ABCC1: variants seen among roughly 807,000 people sequenced by gnomAD.
ABCC1 encodes multidrug resistance-associated protein 1.
ABCC1 carries 83 observed loss-of-function variants against 172.9 expected under a neutral mutation model. That is an observed-to-expected ratio of 0.48 (90% CI 0.40 to 0.58). ABCC1 has a LOEUF of 0.58. Among genes scored for constraint, ABCC1 ranks in the 20% least tolerant of loss-of-function variants. The pLI, the probability that ABCC1 is intolerant of heterozygous loss-of-function variation, is 0.00. For missense variants in ABCC1, 1,817 were observed against 2,002.7 expected, an observed-to-expected ratio of 0.91 and a Z score of 1.77; for synonymous variants, 937 against 825.2, an observed-to-expected ratio of 1.14 and a Z score of -2.32.
At chr16:15,996,841 T>C (rs1379261095) in intron 1 of ABCC1, among the ~76,000 whole-genome samples, 2 of 152,054 alleles carry the variant, frequency 1.3e-5, no homozygotes, top group African/African-American at 4.8e-5. Context: ...ACCAGGATCT[T>C]GTATGGGAAG....
chr16:16,102,504 C>G (rs1567405319), intron 19 of ABCC1, 123 bp from the exon 20 acceptor site: 2 of 823,560 alleles, frequency 2.4e-6, no homozygotes. Flanking sequence ...CTCCTACTTT[C>G]TGATCATCCT....
At chr16:16,125,399 A>G (rs768222981) in intron 25 of ABCC1, among the ~76,000 whole-genome samples, 1 of 152,072 alleles carries the variant, frequency 6.6e-6, no homozygotes, top group Non-Finnish European at 1.5e-5. Context: ...TCTTACCTGA[A>G]TGTTTCATAA....
chr16:16,003,073 T>C (rs1319194643), intron 1 of ABCC1, among the ~76,000 whole-genome samples: 1 of 152,194 alleles, frequency 6.6e-6, no homozygotes, highest in Non-Finnish European at 1.5e-5. Flanking sequence ...GGTGGATGCA[T>C]GGATGGATAG....
intron 22 of ABCC1, among the ~76,000 whole-genome samples, chr16:16,113,905 G>A (rs564555645): frequency 2.0e-5 from 3 of 152,204 alleles, no homozygotes; most frequent in Middle Eastern, 3.4e-3. Flanking sequence ...TTGCATGCAC[G>A]GTTCACAATA....
intron 1 of ABCC1, among the ~76,000 whole-genome samples, chr16:15,959,500 A>AT (rs1206229741): frequency 1.3e-5 from 2 of 151,990 alleles, no homozygotes; most frequent in East Asian, 1.9e-4. Flanking sequence ...TAATTTTTGT[A>AT]TTTTTTGTAG....
intron 1 of ABCC1, among the ~76,000 whole-genome samples, chr16:15,992,546 CA>C (rs11327128): frequency 0.11 from 16,607 of 152,096 alleles, 986 homozygotes; most frequent in Middle Eastern, 0.15. Context: ...ATTATAGGCA[CA>C]ATGGCACCGT....
At position 16,078,030 on chromosome 16, in the gene ABCC1, C is replaced by T. The variant is rs60469728; in HGVS notation, c.1989-1322C>T. ...AAAATTAGCTGGATGTGGTGGCGCTCGCCTGTAATCCCAGCTACTTGGGAG... is the reference window on the plus strand; with the variant it reads ...AAAATTAGCTGGATGTGGTGGCGCTTGCCTGTAATCCCAGCTACTTGGGAG... On this transcript the variant is annotated intron_variant, in intron 15 of 30. Coordinates refer to ENST00000399410, the MANE Select transcript of ABCC1 (RefSeq NM_004996.4). Among the ~76,000 whole-genome samples the T allele has an allele frequency of 7.7e-3, 1,177 of 151,910 alleles. 15 individuals carry two copies. Among genetic ancestry groups the T allele is most frequent in the African/African-American group, 0.027 (1,101 of 41,424 alleles).
intron 1 of ABCC1, among the ~76,000 whole-genome samples, chr16:15,953,164 C>T (rs532036870): frequency 1.3e-5 from 2 of 151,936 alleles, no homozygotes; most frequent in Admixed American, 6.6e-5. Context: ...GGCAAAACCC[C>T]ATCCCTACTA....
At chr16:16,083,038 C>T (rs1341843511) in intron 16 of ABCC1, among the ~76,000 whole-genome samples, 1 of 152,160 alleles carries the variant, frequency 6.6e-6, no homozygotes, top group Admixed American at 6.5e-5. Flanking sequence ...TGAGGGACTT[C>T]CACTCTTTGG....
rs1491397616 is a variant in ABCC1 at position 16,026,464 on chromosome 16, C to CTTTTTTTTTTT, written c.616-6645_616-6644insTTTTTTTTTTT. On this transcript the variant is annotated intron_variant, in intron 5 of 30. Coordinates refer to ENST00000399410, the MANE Select transcript of ABCC1 (RefSeq NM_004996.4). ...AAAAAAAAAAAAAAAAAGGCTATTT[C>CTTTTTTTTTTT]CTTTTTTTTTTTTTTTTTTTTTTTG... 1.3e-3 allele frequency among the ~76,000 whole-genome samples: 135 copies of CTTTTTTTTTTT among 102,272 alleles called. 11 individuals carry two copies. The highest frequency in any genetic ancestry group is 1.8e-3 in the Non-Finnish European group (96 of 52,782). The allele number at this position is 102,272 out of a possible 152,430, so 67.1% of individuals were successfully genotyped here.
intron 1 of ABCC1, among the ~76,000 whole-genome samples, chr16:15,980,648 G>T (rs532266178): frequency 4.6e-5 from 7 of 152,244 alleles, no homozygotes; most frequent in Admixed American, 2.0e-4. Flanking sequence ...AACACATGGG[G>T]ATTATGAGAA....
At chr16:16,126,716 C>A (rs1233566886) in intron 26 of ABCC1, among the ~76,000 whole-genome samples, 2 of 152,100 alleles carry the variant, frequency 1.3e-5, no homozygotes, top group African/African-American at 2.4e-5. Context: ...ACTCCTGTTA[C>A]GGAAAATAAT....
At chr16:16,079,596 C>A in intron 16 of ABCC1, 118 bp downstream of exon 16, 1 of 1,254,504 alleles carries the variant, frequency 8.0e-7, no homozygotes, top group East Asian at 2.5e-5. Flanking sequence ...AGCAACGTCT[C>A]TTTTCCTCCT....
At chr16:15,991,735 T>TTACGGGG (rs1567291078) in intron 1 of ABCC1, among the ~76,000 whole-genome samples, 1 of 152,026 alleles carries the variant, frequency 6.6e-6, no homozygotes, top group Non-Finnish European at 1.5e-5. Context: ...TCTCCTAGAG[T>TTACGGGG]TACGGGGAGG....
chr16:16,051,967 G>A (rs1311606779), intron 10 of ABCC1, among the ~76,000 whole-genome samples: 10 of 148,468 alleles, frequency 6.7e-5, no homozygotes, highest in African/African-American at 2.4e-4. Flanking sequence ...GTGATGGCTC[G>A]CGCCTGTAAT....
chr16:15,952,157 T>C (rs1007111518), intron 1 of ABCC1, among the ~76,000 whole-genome samples: 5 of 152,234 alleles, frequency 3.3e-5, no homozygotes, highest in Non-Finnish European at 5.9e-5. Context: ...CTTGGGTTGT[T>C]GCGAAGGGTC....
chr16:16,107,343 G>A (rs1211567794), intron 21 of ABCC1, among the ~76,000 whole-genome samples: 1 of 152,154 alleles, frequency 6.6e-6, no homozygotes, highest in Non-Finnish European at 1.5e-5. Context: ...AGGCTGGAGT[G>A]CAGTGGTGCG....
At chr16:16,002,739 T>G (rs968558154) in intron 1 of ABCC1, among the ~76,000 whole-genome samples, 4 of 147,744 alleles carry the variant, frequency 2.7e-5, no homozygotes, top group Non-Finnish European at 5.9e-5. Context: ...ACCACTGCAT[T>G]CCAGCCTGGG....
chr16:16,002,464 A>T (rs186625840), intron 1 of ABCC1, among the ~76,000 whole-genome samples: 1 of 152,166 alleles, frequency 6.6e-6, no homozygotes, highest in African/African-American at 2.4e-5. Flanking sequence ...AAACACATCT[A>T]TGTTACTGAT....
Sources: allele counts gnomAD v4.1 joint callset (sites outside exome capture counted in the v4.1 genomes callset), GRCh38; gene constraint gnomAD v4.1.1; transcripts MANE v1.5; gene names NCBI Gene and HGNC (gene_info 2026-07-23, HGNC 2026-07-21).